The following CORIN variants were observed in gnomAD, a reference collection of about 807,000 sequenced individuals.
CORIN encodes the protein corin, serine peptidase.
Under a neutral mutation model 125.3 loss-of-function variants are expected in CORIN, and 117 were observed. The observed-to-expected ratio is 0.93, with a 90% CI of 0.80 to 1.09. The LOEUF is 1.09. CORIN is among the 50% of genes least tolerant of loss of function. The pLI is 0.00. For missense variants in CORIN, 1,253 were observed against 1,306.7 expected (o/e 0.96, Z 0.63); for synonymous variants, 450 against 466.4 (o/e 0.96, Z 0.45).
At chr4:47,808,610 C>A (rs1236269778) in intron 1 of CORIN, among the ~76,000 whole-genome samples, 1 of 152,146 alleles carries the variant, frequency 6.6e-6, no homozygotes. Context: ...ACTTCATTTC[C>A]TAGGTTAATG....
At chr4:47,736,454 G>C (rs1728140621) in intron 5 of CORIN, among the ~76,000 whole-genome samples, 1 of 152,192 alleles carries the variant, frequency 6.6e-6, no homozygotes, top group Non-Finnish European at 1.5e-5. Context: ...AGGTCCCAGA[G>C]AGAAGATAAC....
At chr4:47,688,472 C>T (rs1223617124) in intron 6 of CORIN, among the ~76,000 whole-genome samples, 1 of 152,032 alleles carries the variant, frequency 6.6e-6, no homozygotes, top group Non-Finnish European at 1.5e-5. Flanking sequence ...CGTGGTGGCT[C>T]ACGCCTGTAG....
intron 2 of CORIN, among the ~76,000 whole-genome samples, chr4:47,806,225 T>C (rs1389593144): frequency 2.0e-5 from 3 of 152,170 alleles, no homozygotes; most frequent in East Asian, 1.9e-4. Context: ...CTTGTTACCA[T>C]GGAATAGAGT....
intron 5 of CORIN, among the ~76,000 whole-genome samples, chr4:47,729,729 AG>A (rs1448231657): frequency 2.0e-5 from 3 of 152,146 alleles, no homozygotes; most frequent in African/African-American, 7.2e-5. Context: ...ACACCCAAAA[AG>A]TTGCCTTTTG....
intron 5 of CORIN, 88 bp from the exon 6 acceptor site, chr4:47,693,171 C>A (rs1224414928): frequency 1.2e-6 from 1 of 859,096 alleles, no homozygotes; most frequent in African/African-American, 1.7e-5. Context: ...AGAAAATCTT[C>A]TTTTGCTATT....
chr4:47,748,448 A>C (rs1728760390), intron 4 of CORIN, among the ~76,000 whole-genome samples: 1 of 152,174 alleles, frequency 6.6e-6, no homozygotes, highest in Admixed American at 6.5e-5. Flanking sequence ...TACCTAGTAC[A>C]TTTCAACTAA....
At chr4:47,802,434 G>A (rs1731584975) in intron 2 of CORIN, among the ~76,000 whole-genome samples, 1 of 152,048 alleles carries the variant, frequency 6.6e-6, no homozygotes, top group East Asian at 1.9e-4. Context: ...ACCAACTGAA[G>A]GGCCTTTGGG....
chr4:47,836,917 C>T (rs947742505), intron 1 of CORIN, among the ~76,000 whole-genome samples: 1 of 152,240 alleles, frequency 6.6e-6, no homozygotes, highest in Non-Finnish European at 1.5e-5. Flanking sequence ...ACCGGTCGGT[C>T]CCCGATTCGG....
intron 5 of CORIN, among the ~76,000 whole-genome samples, chr4:47,704,549 G>A (rs1365589505): frequency 6.6e-6 from 1 of 152,198 alleles, no homozygotes; most frequent in African/African-American, 2.4e-5. Flanking sequence ...GAAATGTACA[G>A]AAAATATCTG....
At chr4:47,668,380 A>G (rs932374559) in intron 10 of CORIN, among the ~76,000 whole-genome samples, 3 of 152,172 alleles carry the variant, frequency 2.0e-5, no homozygotes, top group African/African-American at 2.4e-5. Flanking sequence ...ACATTTATCC[A>G]TACATGCCTT....
intron 4 of CORIN, among the ~76,000 whole-genome samples, chr4:47,755,491 GCT>G (rs1729095972): frequency 6.6e-6 from 1 of 152,060 alleles, no homozygotes; most frequent in East Asian, 1.9e-4. Context: ...AAACTTTAAT[GCT>G]AAAATTTTCA....
intron 19 of CORIN, among the ~76,000 whole-genome samples, chr4:47,615,050 G>C (rs184872285): frequency 5.4e-4 from 82 of 152,260 alleles, no homozygotes; most frequent in African/African-American, 1.9e-3. Flanking sequence ...ACAATGAAAA[G>C]GAAGTAGTTT....
At chr4:47,656,345 A>G (rs1205186198) in intron 12 of CORIN, among the ~76,000 whole-genome samples, 1 of 151,904 alleles carries the variant, frequency 6.6e-6, no homozygotes, top group Admixed American at 6.6e-5. Flanking sequence ...TAGTAGAGAC[A>G]GGTTTTCACC....
chr4:47,635,177 T>G (rs1722972122), intron 16 of CORIN, among the ~76,000 whole-genome samples: 1 of 152,190 alleles, frequency 6.6e-6, no homozygotes, highest in Non-Finnish European at 1.5e-5. Flanking sequence ...CAGAGCCAGA[T>G]AGACAAGGGT....
rs777941830 is a variant in CORIN, at chr4:47,599,262, G to GTTAGGGTT, written c.2946+951_2946+952insAACCCTAA. The stretch of plus-strand genomic sequence containing the variant: ...GGGTGGTCTCAGCGAAATGCCAAGG[G>GTTAGGGTT]AGCTGTCTGCCTCCCTCTTTCCCAT... On this transcript the variant is annotated intron_variant, in intron 21 of 21. Coordinates refer to ENST00000273857, the MANE Select transcript of CORIN (RefSeq NM_006587.4). Among the ~76,000 whole-genome samples the GTTAGGGTT allele has an allele frequency of 1.2e-3, 180 of 152,124 alleles. 1 individual carries two copies. The highest frequency in any genetic ancestry group is 2.1e-3 in the Non-Finnish European group (144 of 68,010).
intron 6 of CORIN, among the ~76,000 whole-genome samples, chr4:47,692,732 C>CT (rs1457344688): frequency 6.6e-6 from 1 of 152,156 alleles, no homozygotes; most frequent in African/African-American, 2.4e-5. Flanking sequence ...ATTTAAACCA[C>CT]TTTGTGCAAA....
chr4:47,611,369 G>GTTCA (rs1372589850), intron 19 of CORIN, among the ~76,000 whole-genome samples: 1 of 152,126 alleles, frequency 6.6e-6, no homozygotes, highest in Non-Finnish European at 1.5e-5. Context: ...GTGAATGGGA[G>GTTCA]TTCATTCATG....
At chr4:47,666,978 C>G (rs954517054) in intron 10 of CORIN, among the ~76,000 whole-genome samples, 1 of 152,134 alleles carries the variant, frequency 6.6e-6, no homozygotes, top group African/African-American at 2.4e-5. Flanking sequence ...CTGGCTGTGT[C>G]CCACCCAAAT....
chr4:47,645,561 T>G (rs1723431309), intron 13 of CORIN, among the ~76,000 whole-genome samples: 1 of 151,534 alleles, frequency 6.6e-6, no homozygotes, highest in South Asian at 2.1e-4. Context: ...CATATTGTGA[T>G]ATAAATTGTA....
Sources: allele counts gnomAD v4.1 joint callset (sites outside exome capture counted in the v4.1 genomes callset), GRCh38; gene constraint gnomAD v4.1.1; transcripts MANE v1.5; gene names NCBI Gene and HGNC (gene_info 2026-07-23, HGNC 2026-07-21).